SAP130: variants seen among roughly 807,000 people sequenced by gnomAD.
SAP130 encodes histone deacetylase complex subunit SAP130.
Under a neutral mutation model 103.2 loss-of-function variants are expected in SAP130, and 16 were observed. The ratio of observed to expected loss-of-function variants is 0.16; its 90% confidence interval spans 0.10 to 0.24. SAP130 has a LOEUF of 0.24. SAP130 is among the 10% of genes least tolerant of loss of function. The pLI is 1.00. For missense variants in SAP130, 990 were observed against 1,359.7 expected (o/e 0.73, Z 4.28); for synonymous variants, 477 against 497.0 (o/e 0.96, Z 0.53).
rs759233287 is a variant in SAP130 at position 128,000,272 on chromosome 2, A to G, written c.1017+35T>C. On this transcript the variant is annotated intron_variant, in intron 8 of 20. Coordinates refer to ENST00000643581, the MANE Select transcript of SAP130 (RefSeq NM_001330301.2). ...TTGCCCACTTTTGGTTTTACCCAACAAAGTACACAGGTGGTTCTCCACTTT... is the reference window on the plus strand; with the variant it reads ...TTGCCCACTTTTGGTTTTACCCAACGAAGTACACAGGTGGTTCTCCACTTT... The G allele has an allele frequency of 4.8e-5, 78 of 1,613,426 alleles. No individual in the cohort carries two copies. In the East Asian group the frequency reaches 1.3e-3, roughly 27 times the overall value.
chr2:128,014,981 C>A, intron 4 of SAP130, 67 bp from the exon 5 acceptor site: 1 of 1,308,556 alleles, frequency 7.6e-7, no homozygotes, highest in Non-Finnish European at 1.1e-6. Flanking sequence ...TAGGAAGTCA[C>A]CTGCCTCCAA....
intron 12 of SAP130, among the ~76,000 whole-genome samples, chr2:127,990,426 C>G (rs1682706914): frequency 6.6e-6 from 1 of 151,938 alleles, no homozygotes; most frequent in African/African-American, 2.4e-5. Flanking sequence ...TTCTTACTAT[C>G]TGTGGAAAGA....
Position 128,017,802 on chromosome 2 carries a change from G to C in SAP130, c.226C>G (p.Pro76Ala), listed in dbSNP as rs550119378. The change falls in exon 3 of 21, where the codon CCA (proline) becomes GCA (alanine). Residue 76 changes from proline (P) to alanine (A), a missense_variant. By Grantham distance (27) the Pro-to-Ala change is conservative. Around this residue, in one of 6 missense-constraint regions of SAP130, gnomAD observed 167 missense variants for 187.4 expected, o/e 0.89. Coordinates refer to ENST00000643581, the MANE Select transcript of SAP130 (RefSeq NM_001330301.2). Reference sequence around the variant, plus strand: ...TGTGTCGACAACATCTGCACCTGTGGATAGGGCCTTACCACAACAGGCTCT... The same window carrying C: ...TGTGTCGACAACATCTGCACCTGTGCATAGGGCCTTACCACAACAGGCTCT... ...KQEPVVVRPY[P>A]QVQMLSTHHA... The C allele has an allele frequency of 1.2e-6, 2 of 1,614,244 alleles. No homozygotes were observed. The highest frequency in any genetic ancestry group is 1.1e-5 in the South Asian group (1 of 91,090).
chr2:128,017,894 T>G lies in SAP130; in HGVS notation c.134A>C (p.Asp45Ala). The change falls in exon 3 of 21, where the codon GAT becomes GCT. Residue 45 changes from aspartate to alanine, a missense_variant. Asp to Ala is a moderately radical substitution (Grantham distance 126). This residue lies in a region of SAP130 where 167 missense variants were observed against 187.4 expected (regional missense o/e 0.89). Coordinates refer to ENST00000643581, the MANE Select transcript of SAP130 (RefSeq NM_001330301.2). ...GTGCTCCCTGGCACTGACTTCAGAATCTCGACCAGATTCATCATTGACTAG... is the reference window on the plus strand; with the variant it reads ...GTGCTCCCTGGCACTGACTTCAGAAGCTCGACCAGATTCATCATTGACTAG... ...AATVNDESGR[D>A]SEVSAREHMS... The G allele has an allele frequency of 6.2e-7, 1 of 1,614,176 alleles. No homozygotes were observed. Among genetic ancestry groups the G allele is most frequent in the Middle Eastern group, 1.6e-4 (1 of 6,062 alleles).
In SAP130 at chr2:127,953,362, G is replaced by A. The variant is rs770485700; in HGVS notation, c.2422+1624C>T. On this transcript the variant is annotated intron_variant, in intron 16 of 20. Transcript: ENST00000643581. This position sits in a 1 kb window ranked among gnomAD's most constrained non-coding sequence, Gnocchi z 4.0. The stretch of plus-strand genomic sequence containing the variant: ...GCCTTCATTGCTCCTGGCAATTAAT[G>A]CAACAGCCGCTTGACAGGTCTCCCC... 1.8e-4 allele frequency among the ~76,000 whole-genome samples: 27 copies of A among 152,296 alleles called. No individual in the cohort carries two copies. In the Middle Eastern group the frequency reaches 0.01, roughly 58 times the overall value.
intron 7 of SAP130, among the ~76,000 whole-genome samples, chr2:128,003,379 C>T (rs897971190): frequency 6.6e-6 from 1 of 150,896 alleles, no homozygotes; most frequent in Non-Finnish European, 1.5e-5. Context: ...TCTTGGCATA[C>T]ACCTATGGTC....
In SAP130 at chr2:128,018,331, AC is replaced by A. The variant is rs749221796; in HGVS notation, c.113-417del. Among the ~76,000 whole-genome samples, 469 of 144,180 alleles carry A rather than the reference AC, an allele frequency of 3.3e-3. 7 individuals carry two copies. The highest frequency in any genetic ancestry group is 9.6e-3 in the African/African-American group (358 of 37,388). 94.6% of individuals were successfully genotyped at this position (144,180 alleles called of 152,430 possible). A position where few individuals can be genotyped will look rare whatever the true frequency, so the allele number is the denominator to read the frequency against. The stretch of plus-strand genomic sequence containing the variant: ...AAAAATACAAAAAAAAAAAAAAAAA[AC>A]AAACCAAAAACCAAAAACCACGTTT... On this transcript the variant is annotated intron_variant, in intron 2 of 20. Coordinates refer to ENST00000643581, the MANE Select transcript of SAP130 (RefSeq NM_001330301.2).
At chr2:128,017,135 G>A (rs188534719) in intron 3 of SAP130, among the ~76,000 whole-genome samples, 3 of 152,238 alleles carry the variant, frequency 2.0e-5, no homozygotes, top group Admixed American at 2.0e-4. Flanking sequence ...CAGCCTGGCC[G>A]ACATGGTGAA....
In SAP130 at chr2:127,996,047, C is replaced by T. The variant is rs564137035; in HGVS notation, c.1355+303G>A. On this transcript the variant is annotated intron_variant, in intron 11 of 20. Transcript: ENST00000643581. This position sits in a 1 kb window ranked among gnomAD's most constrained non-coding sequence, Gnocchi z 4.3. ...AGAATGTCTTTACTCTTCCGTGCTA[C>T]AAATGGAGGTACTTACGGATAAATG... is the stretch of plus-strand genomic sequence containing the variant. 1.4e-4 allele frequency among the ~76,000 whole-genome samples: 22 copies of T among 152,186 alleles called. 1 individual carries two copies. Among genetic ancestry groups the T allele is most frequent in the Admixed American group, 1.1e-3 (17 of 15,266 alleles).
Position 127,968,667 on chromosome 2 carries a change from C to T in SAP130, c.2063+9318G>A, listed in dbSNP as rs570228772. Among the ~76,000 whole-genome samples, 12 of 152,008 alleles carry T rather than the reference C, an allele frequency of 7.9e-5. No individual in the cohort carries two copies. The East Asian group carries it at 2.3e-3, about 30-fold the overall frequency. ...CGAGTAGCTGGGACAACAGGTGCAC[C>T]ACTACGCCTGGCTAATTTTTGTATT... On this transcript the variant is annotated intron_variant, in intron 15 of 20. Transcript: ENST00000643581.
rs930385681 is a variant in SAP130, at chr2:127,953,434, G to A, written c.2422+1552C>T. On this transcript the variant is annotated intron_variant, in intron 16 of 20. Transcript: ENST00000643581. The surrounding 1 kb of genome is among the most constrained non-coding windows in gnomAD (Gnocchi z 4.0). ...GTCTGTTCTTTCCCCAGCAGCCAGAGTGTTTATCTTCAGTCCTAAGTGAGT... is the reference window on the plus strand; with the variant it reads ...GTCTGTTCTTTCCCCAGCAGCCAGAATGTTTATCTTCAGTCCTAAGTGAGT... 6.6e-6 allele frequency among the ~76,000 whole-genome samples: 1 copy of A among 152,180 alleles called. No individual in the cohort carries two copies. The highest frequency in any genetic ancestry group is 1.5e-5 in the Non-Finnish European group (1 of 68,030).
In SAP130 at chr2:128,017,878, G is replaced by C. The variant is rs149990963; in HGVS notation, c.150C>G (p.Ala50=). 1.9e-6 allele frequency: 3 copies of C among 1,614,170 alleles called. No individual in the cohort carries two copies. The East Asian group carries it at 6.7e-5, about 36-fold the overall frequency. ...AGCTGCTGGAACTCATGTGCTCCCTGGCACTGACTTCAGAATCTCGACCAG... is the reference window on the plus strand; with the variant it reads ...AGCTGCTGGAACTCATGTGCTCCCTCGCACTGACTTCAGAATCTCGACCAG... ...DESGRDSEVS[A]REHMSSSSSL... The change falls in exon 3 of 21, where the codon GCC becomes GCG. Residue 50 remains alanine, a synonymous_variant. Coordinates refer to ENST00000643581, the MANE Select transcript of SAP130 (RefSeq NM_001330301.2).
In SAP130 at chr2:127,953,197, G is replaced by A. The variant is rs1336391938; in HGVS notation, c.2422+1789C>T. ...CAACTCTATGGCTTCCAGTTGCTAA[G>A]GCCAAAAATCTTGGAAATTGTCCCA... On this transcript the variant is annotated intron_variant, in intron 16 of 20. Transcript: ENST00000643581. This position sits in a 1 kb window ranked among gnomAD's most constrained non-coding sequence, Gnocchi z 4.0. Among the ~76,000 whole-genome samples the A allele has an allele frequency of 6.6e-6, 1 of 152,126 alleles. No homozygotes were observed. The highest frequency in any genetic ancestry group is 1.5e-5 in the Non-Finnish European group (1 of 68,006).
rs865867114 is a variant in SAP130, at chr2:127,955,388, C to A, written c.2064-44G>T. ...GCACATGTAGCAAATAAGAAAAAAA[C>A]TGCCTTCATCTACAACATCTCAGAG... On this transcript the variant is annotated intron_variant, in intron 15 of 20. Transcript: ENST00000643581. The surrounding 1 kb of genome is among the most constrained non-coding windows in gnomAD (Gnocchi z 4.9). The A allele has an allele frequency of 1.5e-6, 2 of 1,308,308 alleles. No homozygotes were observed. The highest frequency in any genetic ancestry group is 2.2e-5 in the Admixed American group (1 of 45,444). The allele number at this position is 1,308,308 out of a possible 1,614,324, so 81.0% of individuals were successfully genotyped here.
Position 128,000,052 on chromosome 2 carries a change from T to C in SAP130, c.1108+4A>G. On this transcript the variant is annotated splice_donor_region_variant and intron_variant, in intron 9 of 20. Coordinates refer to ENST00000643581, the MANE Select transcript of SAP130 (RefSeq NM_001330301.2). ...TAGAAGGAAGAGGAGGGTCGTGGAC[T>C]TACCAGCTGTGGTCGCTGAAGGAAT... The C allele has an allele frequency of 6.2e-7, 1 of 1,613,782 alleles. No homozygotes were observed. The highest frequency in any genetic ancestry group is 8.5e-7 in the Non-Finnish European group (1 of 1,179,672).
Position 128,016,400 on chromosome 2 carries a change from T to C in SAP130, c.496A>G (p.Ser166Gly), listed in dbSNP as rs1213593553. 2 of 1,612,582 alleles carry C rather than the reference T, an allele frequency of 1.2e-6. No homozygotes were observed. The highest frequency in any genetic ancestry group is 2.2e-5 in the East Asian group (1 of 44,816). Residue 166 changes from serine (S) to glycine (G), a missense_variant, in exon 4 of 21, where the codon AGT (serine) becomes GGT (glycine). Physicochemically the swap from Ser to Gly is moderately conservative, Grantham distance 56 (BLOSUM62 0). Around this residue, in one of 6 missense-constraint regions of SAP130, gnomAD observed 336 missense variants for 520.1 expected, o/e 0.65. Transcript: ENST00000643581. ...QASAIPVATISGQQGHPSNLH... is the reference protein window; with the variant it reads ...QASAIPVATIGGQQGHPSNLH... ...AAAGGAAGAAAAACCTGTTGTCCAC[T>C]GATTGTTGCCACAGGAATGGCTGAA...
rs1390687191 is a variant in SAP130, at chr2:127,978,015, C to T, written c.2033G>A (p.Arg678Gln). The change falls in exon 15 of 21, where the codon CGG (arginine) becomes CAG (glutamine). Residue 678 changes from arginine (R) to glutamine (Q), a missense_variant. Transcript: ENST00000643581. ...AGGCCTAGGTGACCCAGACGTACTC[C>T]GCATAGAGCTTTCCACTCGAGGACT... Reference protein sequence around the residue: ...VASPRVESSMRSTSGSPRPAG... With the variant: ...VASPRVESSMQSTSGSPRPAG... The T allele has an allele frequency of 1.6e-5, 25 of 1,551,888 alleles. No homozygotes were observed. Among genetic ancestry groups the T allele is most frequent in the South Asian group, 9.5e-5 (8 of 84,058 alleles).
chr2:127,970,519 G>A (rs1393241922), intron 15 of SAP130, among the ~76,000 whole-genome samples: 1 of 122,344 alleles, frequency 8.2e-6, no homozygotes. Flanking sequence ...CCAGCCTGGC[G>A]ACAGAGAGCA....
At chr2:127,990,777 T>C (rs1416283573) in intron 12 of SAP130, among the ~76,000 whole-genome samples, 1 of 150,584 alleles carries the variant, frequency 6.6e-6, no homozygotes, top group Non-Finnish European at 1.5e-5. Context: ...CCTATCTCTA[T>C]AAAAAATTAA....
Sources: allele counts gnomAD v4.1 joint callset (sites outside exome capture counted in the v4.1 genomes callset), GRCh38; gene constraint gnomAD v4.1.1; regional missense constraint gnomAD v4.1.1; non-coding constraint Gnocchi (gnomAD v3.1); transcripts MANE v1.5; gene names NCBI Gene and HGNC (gene_info 2026-07-23, HGNC 2026-07-21).